The following ITGAE variants were observed in gnomAD, a reference collection of about 807,000 sequenced individuals.
ITGAE encodes the protein integrin alpha-E.
Under a neutral mutation model 136.5 loss-of-function variants are expected in ITGAE, and 99 were observed. That is an observed-to-expected ratio of 0.73 (90% CI 0.62 to 0.86). The LOEUF (loss-of-function observed/expected upper bound fraction) is 0.86. Among genes scored for constraint, ITGAE ranks in the 40% least tolerant of loss-of-function variants. ITGAE has a pLI of 0.00. For missense variants in ITGAE, 1,447 were observed against 1,515.3 expected, an observed-to-expected ratio of 0.95 and a Z score of 0.75; for synonymous variants, 613 against 591.8, an observed-to-expected ratio of 1.04 and a Z score of -0.52.
chr17:3,755,233 G>C lies in ITGAE; in HGVS notation c.1268C>G (p.Ala423Gly), dbSNP rs1200600959. 4 of 1,577,498 alleles carry C rather than the reference G, an allele frequency of 2.5e-6. No homozygotes were observed. The highest frequency in any genetic ancestry group is 3.4e-6 in the Non-Finnish European group (4 of 1,168,562). ...CAACGCCCCTCCGGACCAGTCAAAG[G>C]CCCCGACGGCGCCGAGCAGCACCTG... ...ERQVLLGAVG[A>G]FDWSGGALLY... Residue 423 changes from alanine (A) to glycine (G), a missense_variant, in exon 12 of 31, where the codon GCC becomes GGC. Around this residue, in one of 3 missense-constraint regions of ITGAE, gnomAD observed 1,031 missense variants for 1,011.4 expected, o/e 1.02. Transcript: ENST00000263087.
intron 2 of ITGAE, among the ~76,000 whole-genome samples, chr17:3,767,165 C>T (rs1357404285): frequency 2.6e-5 from 4 of 151,680 alleles, no homozygotes; most frequent in African/African-American, 4.8e-5. Flanking sequence ...GGCACGATCT[C>T]GGCTCACTGC....
At chr17:3,759,311 T>C in intron 8 of ITGAE, 91 bp downstream of exon 8, 1 of 1,442,638 alleles carries the variant, frequency 6.9e-7, no homozygotes. Context: ...AATTCTCTTC[T>C]CCTGCGGTTC....
intron 19 of ITGAE, among the ~76,000 whole-genome samples, chr17:3,743,271 G>A (rs1229089621): frequency 1.3e-5 from 2 of 152,238 alleles, no homozygotes; most frequent in East Asian, 3.8e-4. Context: ...ACAAGCCCCA[G>A]GGGCAGATGG....
chr17:3,721,402 G>T (rs947753865), intron 28 of ITGAE, among the ~76,000 whole-genome samples: 1 of 149,548 alleles, frequency 6.7e-6, no homozygotes, highest in African/African-American at 2.5e-5. Flanking sequence ...CTCCCAAGTA[G>T]CTGGGACTAC....
intron 2 of ITGAE, among the ~76,000 whole-genome samples, chr17:3,771,681 C>T (rs530555338): frequency 6.6e-6 from 1 of 151,970 alleles, no homozygotes; most frequent in Admixed American, 6.6e-5. Flanking sequence ...GGATTACAAG[C>T]GCCCACCACC....
Position 3,757,077 on chromosome 17 carries a change from C to G in ITGAE, c.1078G>C (p.Asp360His). 1 of 1,614,204 alleles carries G rather than the reference C, an allele frequency of 6.2e-7. No homozygotes were observed. The highest frequency in any genetic ancestry group is 8.5e-7 in the Non-Finnish European group (1 of 1,180,026). Reference sequence around the variant, plus strand: ...TTGAAAGCATGGGTCTCATCCGGGTCTGAGGCGATCAGGTTCAGTTCCCTC... The same window carrying G: ...TTGAAAGCATGGGTCTCATCCGGGTGTGAGGCGATCAGGTTCAGTTCCCTC... ...TARELNLIAS[D>H]PDETHAFKVT... Residue 360 changes from aspartate (D) to histidine (H), a missense_variant, in exon 10 of 31, where the codon GAC (aspartate) becomes CAC (histidine). Physicochemically the swap from Asp to His is moderately conservative, Grantham distance 81. Coordinates refer to ENST00000263087, the MANE Select transcript of ITGAE (RefSeq NM_002208.5).
chr17:3,783,386 C>T (rs937412335), intron 1 of ITGAE, among the ~76,000 whole-genome samples: 2 of 152,130 alleles, frequency 1.3e-5, no homozygotes, highest in East Asian at 1.9e-4. Context: ...TCAAGAGATC[C>T]GCCCGCCTCA....
chr17:3,715,224 C>T (rs2050919882), intron 30 of ITGAE, among the ~76,000 whole-genome samples: 1 of 152,200 alleles, frequency 6.6e-6, no homozygotes, highest in South Asian at 2.1e-4. Flanking sequence ...ATAATTTCGG[C>T]TGTACTGGAT....
chr17:3,715,422 C>G (rs1299843994), intron 30 of ITGAE, among the ~76,000 whole-genome samples: 1 of 152,148 alleles, frequency 6.6e-6, no homozygotes, highest in African/African-American at 2.4e-5. Flanking sequence ...GAAGCCAGCA[C>G]AGAGGACTCA....
At chr17:3,782,365 G>A (rs955380803) in intron 1 of ITGAE, among the ~76,000 whole-genome samples, 9 of 143,238 alleles carry the variant, frequency 6.3e-5, no homozygotes, top group Admixed American at 7.1e-5. Flanking sequence ...GTGTGTGTGT[G>A]TGTGTACTTT....
rs759475079 is a variant in ITGAE at position 3,724,647 on chromosome 17, C to A, written c.3085-903G>T. The A allele has an allele frequency of 2.5e-6, 4 of 1,614,072 alleles. No individual in the cohort carries two copies. The East Asian group carries it at 8.9e-5, about 36-fold the overall frequency. Reference sequence around the variant, plus strand: ...GGACACCAGGATGGTCCACCAAACCCGCGCCAGCCTCAGGTCAGTTCTCTT... The same window carrying A: ...GGACACCAGGATGGTCCACCAAACCAGCGCCAGCCTCAGGTCAGTTCTCTT... On this transcript the variant is annotated intron_variant, in intron 26 of 30. Transcript: ENST00000263087.
chr17:3,790,963 G>C (rs571070830), intron 1 of ITGAE, among the ~76,000 whole-genome samples: 1 of 151,908 alleles, frequency 6.6e-6, no homozygotes, highest in East Asian at 2.0e-4. Context: ...GACCGTCCTG[G>C]CTAACACGGT....
At chr17:3,777,828 G>C (rs35760678) in intron 1 of ITGAE, among the ~76,000 whole-genome samples, 168 bp from the exon 2 acceptor site, 4 of 152,216 alleles carry the variant, frequency 2.6e-5, no homozygotes, top group Middle Eastern at 3.4e-3. Context: ...ATCTGACCCA[G>C]AGCCTCTGAT....
chr17:3,720,633 G>C, intron 28 of ITGAE: 1 of 343,790 alleles, frequency 2.9e-6, no homozygotes, highest in East Asian at 6.5e-5. Flanking sequence ...CCAGGCTGGA[G>C]TGAAGTGGTG....
chr17:3,766,846 T>A (rs867815064), intron 2 of ITGAE, among the ~76,000 whole-genome samples: 51 of 131,450 alleles, frequency 3.9e-4, no homozygotes, highest in African/African-American at 7.8e-4. Context: ...ATAATAATAA[T>A]AAACCTGTGT....
intron 1 of ITGAE, among the ~76,000 whole-genome samples, chr17:3,800,333 C>A (rs1412611820): frequency 6.6e-6 from 1 of 152,034 alleles, no homozygotes; most frequent in Non-Finnish European, 1.5e-5. Context: ...GATGCCCATC[C>A]AATTCTCCGG....
chr17:3,724,116 G>C, intron 26 of ITGAE: 1 of 1,593,812 alleles, frequency 6.3e-7, no homozygotes, highest in Non-Finnish European at 8.5e-7. Flanking sequence ...CTCGCAGTCC[G>C]ACGATCCTGA....
At chr17:3,796,998 C>G (rs959646061) in intron 1 of ITGAE, among the ~76,000 whole-genome samples, 15 of 149,518 alleles carry the variant, frequency 1.0e-4, no homozygotes, top group African/African-American at 3.2e-4. Flanking sequence ...GCAGTCCCCC[C>G]ACCTCGATCT....
At chr17:3,717,079 G>C (rs1479559693) in intron 29 of ITGAE, 3 of 316,440 alleles carry the variant, frequency 9.5e-6, no homozygotes, top group African/African-American at 6.4e-5. Context: ...AAGATGCTCT[G>C]ACAGCTTGAA....
Sources: gnomAD v4.1 joint callset for allele counts (sites outside exome capture counted in the v4.1 genomes callset) on GRCh38, gnomAD v4.1.1 for gene constraint, gnomAD v4.1.1 regional missense constraint, MANE v1.5 for transcripts, NCBI Gene and HGNC (gene_info 2026-07-23, HGNC 2026-07-21) for gene names.